PTPRK: variants seen among roughly 807,000 people sequenced by gnomAD.
PTPRK encodes the protein receptor-type tyrosine-protein phosphatase kappa.
A neutral mutation model predicts 178.0 loss-of-function variants in PTPRK; 75 were observed. That is an observed-to-expected ratio of 0.42 (90% CI 0.35 to 0.51). PTPRK has a LOEUF of 0.51. Among genes scored for constraint, PTPRK ranks in the 20% least tolerant of loss-of-function variants. PTPRK has a pLI of 0.02. For missense variants in PTPRK, 1,441 were observed against 1,797.8 expected (o/e 0.80, Z 3.59); for synonymous variants, 637 against 620.6 (o/e 1.03, Z -0.39).
At chr6:128,373,178 T>C (rs1836533501) in intron 2 of PTPRK, among the ~76,000 whole-genome samples, 1 of 152,214 alleles carries the variant, frequency 6.6e-6, no homozygotes, top group African/African-American at 2.4e-5. Context: ...TTAGAATTTT[T>C]CTATATACTA....
intron 3 of PTPRK, among the ~76,000 whole-genome samples, chr6:128,267,342 C>T (rs1281795703): frequency 6.6e-6 from 1 of 152,024 alleles, no homozygotes; most frequent in Non-Finnish European, 1.5e-5. Context: ...TATTATTTCA[C>T]CAAAACCTAT....
intron 5 of PTPRK, among the ~76,000 whole-genome samples, chr6:128,229,041 C>T (rs1455084381): frequency 6.6e-6 from 1 of 152,048 alleles, no homozygotes; most frequent in Non-Finnish European, 1.5e-5. Flanking sequence ...ATACTATTCC[C>T]ATGAGCAGTT....
chr6:128,113,656 T>G (rs1308512218), intron 7 of PTPRK, among the ~76,000 whole-genome samples: 5 of 152,096 alleles, frequency 3.3e-5, no homozygotes, highest in Non-Finnish European at 7.4e-5. Flanking sequence ...CTGCAGATTT[T>G]GTGATCCATG....
intron 1 of PTPRK, among the ~76,000 whole-genome samples, chr6:128,467,344 G>A (rs1562582523): frequency 6.6e-6 from 1 of 152,120 alleles, no homozygotes; most frequent in East Asian, 1.9e-4. Flanking sequence ...GATGTTGAGA[G>A]GGTAAGATAA....
At chr6:127,977,305 T>G (rs1238021202) in intron 25 of PTPRK, among the ~76,000 whole-genome samples, 2 of 152,146 alleles carry the variant, frequency 1.3e-5, no homozygotes, top group Admixed American at 6.6e-5. Context: ...AATAACTGAG[T>G]TTTTACTTTA....
intron 1 of PTPRK, among the ~76,000 whole-genome samples, chr6:128,453,515 C>T (rs1166932672): frequency 6.6e-6 from 1 of 152,134 alleles, no homozygotes; most frequent in Admixed American, 6.6e-5. Flanking sequence ...CAAATGTTAA[C>T]ATTATTTTTT....
At chr6:128,220,160 T>C (rs1422193671) in intron 5 of PTPRK, among the ~76,000 whole-genome samples, 1 of 152,160 alleles carries the variant, frequency 6.6e-6, no homozygotes, top group African/African-American at 2.4e-5. Flanking sequence ...AGACATCATA[T>C]ATAAAGGGGA....
At chr6:128,334,098 G>T (rs1363533519) in intron 2 of PTPRK, among the ~76,000 whole-genome samples, 1 of 152,132 alleles carries the variant, frequency 6.6e-6, no homozygotes, top group East Asian at 1.9e-4. Flanking sequence ...TTATACGGGA[G>T]CTGTTCGTGG....
At chr6:128,435,309 A>G (rs1249519585) in intron 1 of PTPRK, among the ~76,000 whole-genome samples, 2 of 152,214 alleles carry the variant, frequency 1.3e-5, no homozygotes, top group African/African-American at 2.4e-5. Context: ...AATTTTCAAA[A>G]TCTTAGTTTG....
intron 1 of PTPRK, among the ~76,000 whole-genome samples, chr6:128,462,337 G>C (rs1293604512): frequency 1.3e-5 from 2 of 152,026 alleles, no homozygotes; most frequent in Non-Finnish European, 2.9e-5. Context: ...ATCACATGTT[G>C]TTTATTTTAA....
intron 1 of PTPRK, among the ~76,000 whole-genome samples, chr6:128,493,808 A>G (rs1334265740): frequency 6.6e-6 from 1 of 152,164 alleles, no homozygotes; most frequent in Non-Finnish European, 1.5e-5. Context: ...GGAAACTCCA[A>G]AGGTAACTGT....
chr6:128,456,396 A>C (rs1848400303), intron 1 of PTPRK, among the ~76,000 whole-genome samples: 1 of 152,126 alleles, frequency 6.6e-6, no homozygotes, highest in African/African-American at 2.4e-5. Flanking sequence ...TTGTAGATTC[A>C]ACAAAATTTG....
At position 128,321,725 on chromosome 6, in the gene PTPRK, C is replaced by T. The variant is rs1337574971; in HGVS notation, c.495+314G>A. The T allele has an allele frequency of 4.4e-6, 3 of 681,204 alleles. No homozygotes were observed. In the Admixed American group the frequency reaches 7.0e-5, roughly 16 times the overall value. The allele number at this position is 681,204 out of a possible 1,614,324, so 42.2% of individuals were successfully genotyped here. On this transcript the variant is annotated intron_variant, in intron 3 of 29. Coordinates refer to ENST00000368226, the MANE Select transcript of PTPRK (RefSeq NM_002844.4). ...GGAAAGAATCTGTCAATAAGTAGCTCTTTGTCAAACCACCAACAAATTTTG... is the reference window on the plus strand; with the variant it reads ...GGAAAGAATCTGTCAATAAGTAGCTTTTTGTCAAACCACCAACAAATTTTG...
intron 3 of PTPRK, among the ~76,000 whole-genome samples, chr6:128,258,191 T>C (rs951212199): frequency 6.6e-6 from 1 of 152,150 alleles, no homozygotes; most frequent in Non-Finnish European, 1.5e-5. Context: ...AAAATCACCA[T>C]TCTGCTTGTC....
At chr6:128,109,150 A>C (rs758695661) in intron 7 of PTPRK, among the ~76,000 whole-genome samples, 24 of 152,202 alleles carry the variant, frequency 1.6e-4, no homozygotes, top group Non-Finnish European at 2.8e-4. Flanking sequence ...TTGTAAAACA[A>C]TATTAGAGTA....
At chr6:128,420,362 G>A (rs1843345323) in intron 1 of PTPRK, among the ~76,000 whole-genome samples, 1 of 152,158 alleles carries the variant, frequency 6.6e-6, no homozygotes, top group South Asian at 2.1e-4. Context: ...AATTTTGCCT[G>A]AAATTCTTGT....
intron 15 of PTPRK, among the ~76,000 whole-genome samples, chr6:127,999,315 C>A (rs983609299): frequency 6.6e-6 from 1 of 151,936 alleles, no homozygotes; most frequent in African/African-American, 2.4e-5. Flanking sequence ...ATCCCAACCT[C>A]CCTCAGAGAT....
chr6:128,316,424 T>C (rs185185364), intron 3 of PTPRK, among the ~76,000 whole-genome samples: 28 of 152,284 alleles, frequency 1.8e-4, no homozygotes, highest in Non-Finnish European at 5.9e-5. Flanking sequence ...TGGAAATATT[T>C]CTCAAAAGAA....
intron 6 of PTPRK, among the ~76,000 whole-genome samples, chr6:128,203,391 C>T (rs969072766): frequency 1.3e-5 from 2 of 152,172 alleles, no homozygotes; most frequent in Non-Finnish European, 2.9e-5. Context: ...CATCTCTCAC[C>T]ACTCCTATTC....
Sources: gnomAD v4.1 joint callset for allele counts (sites outside exome capture counted in the v4.1 genomes callset) on GRCh38, gnomAD v4.1.1 for gene constraint, MANE v1.5 for transcripts, NCBI Gene and HGNC (gene_info 2026-07-23, HGNC 2026-07-21) for gene names.